Variants in PARD3 observed in about 807,000 individuals in gnomAD.
The protein encoded by PARD3 is par-3 family cell polarity regulator.
Under a neutral mutation model 155.4 loss-of-function variants are expected in PARD3, and 75 were observed. That is an observed-to-expected ratio of 0.48 (90% CI 0.40 to 0.58). The LOEUF (loss-of-function observed/expected upper bound fraction) is 0.58, where lower values mean the gene tolerates loss of function less well. PARD3 is among the 20% of genes least tolerant of loss of function. The probability of loss-of-function intolerance (pLI) is 0.00; values close to 1 mark genes in which losing one functional copy is unlikely to be tolerated. For synonymous variants in PARD3, 576 were observed against 610.5 expected, an observed-to-expected ratio of 0.94 and a Z score of 0.83; for missense variants, 1,642 against 1,721.7, an observed-to-expected ratio of 0.95 and a Z score of 0.82.
chr10:34,472,020 A>T (rs2078381700), intron 3 of PARD3, among the ~76,000 whole-genome samples: 1 of 152,214 alleles, frequency 6.6e-6, no homozygotes, highest in African/African-American at 2.4e-5. Context: ...ACCACTGTCA[A>T]TCCAATAGTC....
At chr10:34,140,409 G>A (rs1199187469) in intron 22 of PARD3, among the ~76,000 whole-genome samples, 2 of 152,166 alleles carry the variant, frequency 1.3e-5, no homozygotes, top group East Asian at 3.9e-4. Flanking sequence ...CAAAGCACAC[G>A]GTGTGCCTCC....
chr10:34,408,332 A>T (rs1268216881), intron 5 of PARD3, among the ~76,000 whole-genome samples: 3 of 152,106 alleles, frequency 2.0e-5, no homozygotes, highest in Non-Finnish European at 4.4e-5. Flanking sequence ...ATATATTGCT[A>T]AAAAAACACT....
chr10:34,186,524 G>A (rs1247007616), intron 22 of PARD3, among the ~76,000 whole-genome samples: 2 of 152,090 alleles, frequency 1.3e-5, no homozygotes, highest in Admixed American at 6.5e-5. Flanking sequence ...CATTCTGGAA[G>A]AAGTCATCAC....
intron 20 of PARD3, among the ~76,000 whole-genome samples, chr10:34,284,744 T>C (rs1956306596): frequency 6.6e-6 from 1 of 152,208 alleles, no homozygotes; most frequent in African/African-American, 2.4e-5. Flanking sequence ...AAGGCCATGT[T>C]TGCAAGGTTT....
At chr10:34,580,646 T>A (rs180876296) in intron 2 of PARD3, among the ~76,000 whole-genome samples, 8 of 152,350 alleles carry the variant, frequency 5.3e-5, no homozygotes, top group African/African-American at 1.4e-4. Flanking sequence ...TAATCCTGGC[T>A]GTGGGCCATA....
chr10:34,523,659 C>A (rs2082294772), intron 2 of PARD3, among the ~76,000 whole-genome samples: 1 of 151,902 alleles, frequency 6.6e-6, no homozygotes, highest in Admixed American at 6.6e-5. Context: ...GGCAGATGTG[C>A]CTATAAAGAA....
At chr10:34,233,300 T>G (rs12260596) in intron 22 of PARD3, among the ~76,000 whole-genome samples, 185 of 152,094 alleles carry the variant, frequency 1.2e-3, no homozygotes, top group African/African-American at 4.2e-3. Flanking sequence ...ATTCTCTTGA[T>G]TTCTATTATT....
At chr10:34,137,233 G>A (rs1046037819) in intron 22 of PARD3, among the ~76,000 whole-genome samples, 3 of 152,302 alleles carry the variant, frequency 2.0e-5, no homozygotes, top group Middle Eastern at 3.4e-3. Flanking sequence ...CAGGGATCAC[G>A]CAGTGTTTGT....
chr10:34,658,103 G>A lies in PARD3; in HGVS notation c.222+38215C>T, dbSNP rs1428505830. ...GGAGCTTCCAGTGAGCCGAGATTGC[G>A]CCACTGCACTCCAGCCTGGGCGACA... On this transcript the variant is annotated intron_variant, in intron 2 of 24. Transcript: ENST00000374788. 1.3e-4 allele frequency among the ~76,000 whole-genome samples: 19 copies of A among 149,870 alleles called. No homozygotes were observed. The East Asian group carries it at 2.0e-3, about 16-fold the overall frequency.
At chr10:34,196,182 G>A (rs985431057) in intron 22 of PARD3, among the ~76,000 whole-genome samples, 1 of 152,116 alleles carries the variant, frequency 6.6e-6, no homozygotes, top group Non-Finnish European at 1.5e-5. Context: ...CTAGAAATAA[G>A]TGACCCAGAC....
intron 1 of PARD3, among the ~76,000 whole-genome samples, chr10:34,709,507 T>C (rs1429096039): frequency 6.6e-6 from 1 of 152,210 alleles, no homozygotes; most frequent in Non-Finnish European, 1.5e-5. Context: ...AAGGAACTGG[T>C]ACAAAGATTT....
intron 5 of PARD3, among the ~76,000 whole-genome samples, chr10:34,447,804 C>A (rs957391170): frequency 6.1e-4 from 87 of 143,500 alleles, no homozygotes; most frequent in Middle Eastern, 3.6e-3. Flanking sequence ...GACTCTGTCT[C>A]AAAAGAAAGA....
intron 7 of PARD3, among the ~76,000 whole-genome samples, chr10:34,390,092 T>C (rs1481629800): frequency 6.6e-6 from 1 of 152,104 alleles, no homozygotes; most frequent in Non-Finnish European, 1.5e-5. Flanking sequence ...ATTCAGCAAA[T>C]AAAGTTAAAT....
chr10:34,453,479 T>C lies in PARD3; in HGVS notation c.583-3031A>G, dbSNP rs1326446747. 3.3e-5 allele frequency among the ~76,000 whole-genome samples: 5 copies of C among 152,280 alleles called. No individual in the cohort carries two copies. In the East Asian group the frequency reaches 9.7e-4, roughly 29 times the overall value. On this transcript the variant is annotated intron_variant, in intron 4 of 24. Transcript: ENST00000374788. ...GTGGCTTACACCAATGTGGATGACT[T>C]TTTCATGAATATTTTTTATGTTCCC... is the stretch of plus-strand genomic sequence containing the variant.
chr10:34,307,943 T>G (rs957003577), intron 20 of PARD3, among the ~76,000 whole-genome samples: 2 of 152,142 alleles, frequency 1.3e-5, no homozygotes, highest in Non-Finnish European at 2.9e-5. Flanking sequence ...GTTAGAAAAG[T>G]GTCAGGGTGA....
At chr10:34,621,179 T>A (rs1467905390) in intron 2 of PARD3, among the ~76,000 whole-genome samples, 1 of 152,068 alleles carries the variant, frequency 6.6e-6, no homozygotes, top group Non-Finnish European at 1.5e-5. Context: ...TTTTTTGTTG[T>A]TTGTTTTTTG....
chr10:34,701,342 T>A (rs1044423027), intron 1 of PARD3, among the ~76,000 whole-genome samples: 3 of 141,716 alleles, frequency 2.1e-5, no homozygotes, highest in East Asian at 1.9e-4. Flanking sequence ...GATGTTGTTG[T>A]TGTTGTTGTT....
chr10:34,375,000 T>C lies in PARD3; in HGVS notation c.1542A>G (p.Val514=). ...ATTTGCCCACTAAATCTACTCCATT[T>C]ACCTAAAACAAAACAAAAGTTTTCA... ...RLKAGDRLIE[V]NGVDLVGKSQ... The change falls in exon 11 of 25, where the codon GTA becomes GTG. Residue 514 remains valine, a splice_region_variant and synonymous_variant. Coordinates refer to ENST00000374788, the MANE Select transcript of PARD3 (RefSeq NM_001184785.2). 6.2e-7 allele frequency: 1 copy of C among 1,612,666 alleles called. No homozygotes were observed. The highest frequency in any genetic ancestry group is 8.5e-7 in the Non-Finnish European group (1 of 1,179,594).
chr10:34,524,009 A>T (rs979489729), intron 2 of PARD3, among the ~76,000 whole-genome samples: 34 of 151,278 alleles, frequency 2.2e-4, no homozygotes, highest in Non-Finnish European at 4.3e-4. Context: ...TCTATCTCTT[A>T]TTTTTTTTTA....
Sources: allele counts gnomAD v4.1 joint callset (sites outside exome capture counted in the v4.1 genomes callset), GRCh38; gene constraint gnomAD v4.1.1; transcripts MANE v1.5; gene names NCBI Gene and HGNC (gene_info 2026-07-23, HGNC 2026-07-21).